Variants in ZNF750 observed in about 807,000 individuals in gnomAD.
ZNF750 encodes zinc finger protein 750.
ZNF750 carries 10 observed loss-of-function variants against 31.6 expected under a neutral mutation model. The observed-to-expected ratio is 0.32, with a 90% confidence interval of 0.19 to 0.54. ZNF750 has a LOEUF of 0.54. Among genes scored for constraint, ZNF750 ranks in the 20% least tolerant of loss-of-function variants. ZNF750 has a pLI of 0.95. For missense variants in ZNF750, 914 were observed against 934.9 expected (o/e 0.98, Z 0.29); for synonymous variants, 400 against 404.9 (o/e 0.99, Z 0.15).
Position 82,830,169 on chromosome 17 carries a change from T to C in ZNF750, c.2145A>G (p.Thr715=). 3.1e-6 allele frequency: 5 copies of C among 1,614,154 alleles called. No homozygotes were observed. The highest frequency in any genetic ancestry group is 4.2e-6 in the Non-Finnish European group (5 of 1,180,048). Reference sequence around the variant, plus strand: ...AGGACACCCGGGCCCTCCTTCGTAGTGTGAACACTCTGGCCGTGTCCTGCA... The same window carrying C: ...AGGACACCCGGGCCCTCCTTCGTAGCGTGAACACTCTGGCCGTGTCCTGCA... ...AKLQDTARVF[T]LRRRARVS is the part of the protein sequence containing the mutation. The change falls in exon 3 of 3, where the codon ACA becomes ACG. Residue 715 remains threonine, a synonymous_variant. Transcript: ENST00000269394.
chr17:82,831,211 G>C lies in ZNF750; in HGVS notation c.1244C>G (p.Pro415Arg), dbSNP rs974034003. 3.1e-6 allele frequency: 5 copies of C among 1,613,990 alleles called. No individual in the cohort carries two copies. The highest frequency in any genetic ancestry group is 1.7e-4 in the Middle Eastern group (1 of 6,060). Residue 415 changes from proline (P) to arginine (R), a missense_variant, in exon 2 of 3, where the codon CCG becomes CGG. Physicochemically the swap from Pro to Arg is moderately radical, Grantham distance 103. Transcript: ENST00000269394. The surrounding 1 kb of genome is among the most constrained non-coding windows in gnomAD (Gnocchi z 4.6). ...GSAATGSPGR[P>R]SPTDFMQTSQ... ...CGTCTGCATGAAGTCGGTGGGGCTC[G>C]GCCTCCCTGGGGAGCCCGTGGCTGC...
At position 82,832,643 on chromosome 17, in the gene ZNF750, T is replaced by C; in HGVS notation, c.-182-7A>G. 2 of 636,398 alleles carry C rather than the reference T, an allele frequency of 3.1e-6. No individual in the cohort carries two copies. The highest frequency in any genetic ancestry group is 1.9e-5 in the South Asian group (1 of 54,044). The allele number at this position is 636,398 out of a possible 1,614,324, so 39.4% of individuals were successfully genotyped here. ...GTCATCTGGCGGCTGGGAGCTGTAA[T>C]AAAGAGCAGTCTTGGTGTCAGGACA... On this transcript the variant is annotated splice_polypyrimidine_tract_variant and splice_region_variant and intron_variant, in intron 1 of 2. Transcript: ENST00000269394. This position sits in a 1 kb window ranked among gnomAD's most constrained non-coding sequence, Gnocchi z 4.9.
chr17:82,836,567 T>G (rs1293939278), intron 1 of ZNF750, among the ~76,000 whole-genome samples: 1 of 151,964 alleles, frequency 6.6e-6, no homozygotes, highest in Non-Finnish European at 1.5e-5. Flanking sequence ...TTCACATTGC[T>G]GATACCTCTA....
At position 82,831,285 on chromosome 17, in the gene ZNF750, A is replaced by G. The variant is rs1417379593; in HGVS notation, c.1170T>C (p.Ala390=). 6.2e-7 allele frequency: 1 copy of G among 1,613,898 alleles called. No homozygotes were observed. Among genetic ancestry groups the G allele is most frequent in the Non-Finnish European group, 8.5e-7 (1 of 1,180,026 alleles). Residue 390 remains alanine, a synonymous_variant, in exon 2 of 3, where the codon GCT becomes GCC. Coordinates refer to ENST00000269394, the MANE Select transcript of ZNF750 (RefSeq NM_024702.3). The surrounding 1 kb of genome is among the most constrained non-coding windows in gnomAD (Gnocchi z 4.6). ...PIPEAKDSSK[A]GQRDTEGSKM... Reference sequence around the variant, plus strand: ...TGGACCCTTCCGTGTCTCTCTGCCCAGCCTTGGAGGAGTCTTTAGCCTCAG... The same window carrying G: ...TGGACCCTTCCGTGTCTCTCTGCCCGGCCTTGGAGGAGTCTTTAGCCTCAG...
rs1044874301 is a variant in ZNF750, at chr17:82,835,261, A to C, written c.-182-2625T>G. The stretch of plus-strand genomic sequence containing the variant: ...GGAGCCTAGGAGGCAGCTGTCCCTG[A>C]AGCAAGGCGCCACCCCTCCTCCCTG... On this transcript the variant is annotated intron_variant, in intron 1 of 2. Coordinates refer to ENST00000269394, the MANE Select transcript of ZNF750 (RefSeq NM_024702.3). The surrounding 1 kb of genome is among the most constrained non-coding windows in gnomAD (Gnocchi z 4.5). Among the ~76,000 whole-genome samples the C allele has an allele frequency of 3.3e-5, 5 of 152,100 alleles. No homozygotes were observed. Among genetic ancestry groups the C allele is most frequent in the Non-Finnish European group, 7.4e-5 (5 of 67,986 alleles).
At chr17:82,839,480 C>CAT (rs930011052) in intron 1 of ZNF750, among the ~76,000 whole-genome samples, 9 of 151,816 alleles carry the variant, frequency 5.9e-5, no homozygotes, top group South Asian at 2.1e-4. Context: ...ATACACCACA[C>CAT]ATATATATAA....
At chr17:82,837,224 A>G (rs993464732) in intron 1 of ZNF750, among the ~76,000 whole-genome samples, 5 of 152,222 alleles carry the variant, frequency 3.3e-5, no homozygotes, top group Non-Finnish European at 5.9e-5. Context: ...AGTGAGGTTT[A>G]TAAGGATGAA....
At chr17:82,838,951 C>T (rs2054221703) in intron 1 of ZNF750, 33 of 985,380 alleles carry the variant, frequency 3.3e-5, no homozygotes, top group Non-Finnish European at 4.0e-5. Flanking sequence ...TGTGGACGGA[C>T]TGTGCTTGGT....
chr17:82,829,999 GTT>G lies in ZNF750; in HGVS notation c.*141_*142del. The G allele has an allele frequency of 1.4e-5, 5 of 354,034 alleles. No homozygotes were observed. The highest frequency in any genetic ancestry group is 1.1e-4 in the South Asian group (1 of 9,144). 21.9% of individuals were successfully genotyped at this position (354,034 alleles called of 1,614,324 possible). A position where few individuals can be genotyped will look rare whatever the true frequency, so the allele number is the denominator to read the frequency against. On this transcript the variant is annotated 3_prime_UTR_variant, in exon 3 of 3. Coordinates refer to ENST00000269394, the MANE Select transcript of ZNF750 (RefSeq NM_024702.3). ...TAAAAACTGAATTGGAGGGTTTTTT[GTT>G]TGTTTGTTTGTTTGTTTTTTTGAGA...
rs1476104274 is a variant in ZNF750, at chr17:82,835,590, T to C, written c.-182-2954A>G. ...GGTGCCTACCACCACGCCCAGCTAA[T>C]TTTTTTGTAATTTTAGTAGAGATGG... On this transcript the variant is annotated intron_variant, in intron 1 of 2. Coordinates refer to ENST00000269394, the MANE Select transcript of ZNF750 (RefSeq NM_024702.3). The surrounding 1 kb of genome is among the most constrained non-coding windows in gnomAD (Gnocchi z 4.5). 6.6e-6 allele frequency among the ~76,000 whole-genome samples: 1 copy of C among 151,968 alleles called. No homozygotes were observed. The highest frequency in any genetic ancestry group is 1.5e-5 in the Non-Finnish European group (1 of 67,978).
chr17:82,838,080 C>T (rs2054137274), intron 1 of ZNF750, among the ~76,000 whole-genome samples: 1 of 152,260 alleles, frequency 6.6e-6, no homozygotes, highest in Non-Finnish European at 1.5e-5. Context: ...TGAGAGCTCG[C>T]TTCTCTTCCT....
chr17:82,838,339 A>AG (rs901986721), intron 1 of ZNF750, among the ~76,000 whole-genome samples: 7 of 151,834 alleles, frequency 4.6e-5, no homozygotes, highest in Non-Finnish European at 1.0e-4. Flanking sequence ...AGTTCTTAAA[A>AG]AAAAAAACTT....
At chr17:82,839,139 G>A (rs1323127467) in intron 1 of ZNF750, among the ~76,000 whole-genome samples, 1 of 152,182 alleles carries the variant, frequency 6.6e-6, no homozygotes, top group Non-Finnish European at 1.5e-5. Flanking sequence ...GTAAGCTTAT[G>A]TACTTATTTT....
At position 82,831,716 on chromosome 17, in the gene ZNF750, A is replaced by G. The variant is rs765993543; in HGVS notation, c.739T>C (p.Tyr247His). The change falls in exon 2 of 3, where the codon TAC (tyrosine) becomes CAC (histidine). Residue 247 changes from tyrosine (Y) to histidine (H), a missense_variant. By Grantham distance (83) the Tyr-to-His change is moderately conservative. This residue lies in a region of ZNF750 where 880 missense variants were observed against 868.9 expected (regional missense o/e 1.01). Coordinates refer to ENST00000269394, the MANE Select transcript of ZNF750 (RefSeq NM_024702.3). The surrounding 1 kb of genome is among the most constrained non-coding windows in gnomAD (Gnocchi z 4.6). ...PTIPEYPPHFYTEHGLATIYS... is the reference protein window; with the variant it reads ...PTIPEYPPHFHTEHGLATIYS... ...ATGGTGGCCAGCCCGTGCTCTGTGT[A>G]AAAGTGAGGCGGGTACTCTGGGATT... The G allele has an allele frequency of 1.2e-6, 2 of 1,614,118 alleles. No homozygotes were observed. Among genetic ancestry groups the G allele is most frequent in the Admixed American group, 3.3e-5 (2 of 60,018 alleles).
chr17:82,832,502 T>G lies in ZNF750; in HGVS notation c.-48A>C. 1.3e-6 allele frequency: 2 copies of G among 1,543,670 alleles called. No homozygotes were observed. The highest frequency in any genetic ancestry group is 1.8e-6 in the Non-Finnish European group (2 of 1,127,534). ...CTGGCTGTCCAGGTGGCGTGATCAC[T>G]GTCGACGCCGCGTGCACTTCGTGGT... On this transcript the variant is annotated 5_prime_UTR_variant, in exon 2 of 3. Coordinates refer to ENST00000269394, the MANE Select transcript of ZNF750 (RefSeq NM_024702.3). The surrounding 1 kb of genome is among the most constrained non-coding windows in gnomAD (Gnocchi z 4.9).
chr17:82,834,388 C>T (rs1334088613), intron 1 of ZNF750, among the ~76,000 whole-genome samples: 2 of 151,966 alleles, frequency 1.3e-5, no homozygotes, highest in Non-Finnish European at 1.5e-5. Context: ...CACTTTAATT[C>T]GTATTAAAAA....
chr17:82,836,030 C>T (rs764169718), intron 1 of ZNF750, among the ~76,000 whole-genome samples: 2 of 152,344 alleles, frequency 1.3e-5, no homozygotes, highest in Admixed American at 6.5e-5. Context: ...TACAAGGCAC[C>T]GGGTCAAGGC....
chr17:82,838,864 C>A, intron 1 of ZNF750: 1 of 985,420 alleles, frequency 1.0e-6, no homozygotes, highest in Non-Finnish European at 1.2e-6. Flanking sequence ...ACTTTACAGT[C>A]GCCGCCTCAT....
In ZNF750 at chr17:82,832,469, C is replaced by T. The variant is rs564795812; in HGVS notation, c.-15G>A. On this transcript the variant is annotated 5_prime_UTR_variant, in exon 2 of 3. Transcript: ENST00000269394. The surrounding 1 kb of genome is among the most constrained non-coding windows in gnomAD (Gnocchi z 4.9). ...AGGAGACTCATTTTCCTCCTTATGC[C>T]TTGGACTCTGGCTGTCCAGGTGGCG... is the stretch of plus-strand genomic sequence containing the variant. 14 of 1,605,114 alleles carry T rather than the reference C, an allele frequency of 8.7e-6. No individual in the cohort carries two copies. The highest frequency in any genetic ancestry group is 1.2e-5 in the Non-Finnish European group (14 of 1,178,934).
Sources: allele counts gnomAD v4.1 joint callset (sites outside exome capture counted in the v4.1 genomes callset), GRCh38; gene constraint gnomAD v4.1.1; regional missense constraint gnomAD v4.1.1; non-coding constraint Gnocchi (gnomAD v3.1); transcripts MANE v1.5; gene names NCBI Gene and HGNC (gene_info 2026-07-23, HGNC 2026-07-21).